The following UBE2H variants were observed in gnomAD, a reference collection of about 807,000 sequenced individuals.
UBE2H encodes ubiquitin conjugating enzyme E2 H.
A neutral mutation model predicts 29.0 loss-of-function variants in UBE2H; 3 were observed. The ratio of observed to expected loss-of-function variants is 0.10; its 90% CI spans 0.05 to 0.27. The LOEUF is 0.27. Ranked by LOEUF, UBE2H falls within the 10% of genes least tolerant of loss-of-function variation. The pLI is 1.00. For synonymous variants in UBE2H, 69 were observed against 82.9 expected (o/e 0.83, Z 0.91); for missense variants, 68 against 228.2 (o/e 0.30, Z 4.52).
chr7:129,875,088 G>C (rs1181835379), intron 3 of UBE2H, among the ~76,000 whole-genome samples: 3 of 152,184 alleles, frequency 2.0e-5, no homozygotes, highest in South Asian at 2.1e-4. Context: ...CAATGATACA[G>C]ACAGGACAGT....
At chr7:129,836,621 T>G (rs1047289060) in intron 6 of UBE2H, among the ~76,000 whole-genome samples, 7 of 152,150 alleles carry the variant, frequency 4.6e-5, no homozygotes, top group Non-Finnish European at 1.0e-4. Context: ...GGCTCATGCC[T>G]GTAAACCCAG....
intron 6 of UBE2H, among the ~76,000 whole-genome samples, chr7:129,836,943 G>C (rs1458001139): frequency 7.0e-6 from 1 of 143,100 alleles, no homozygotes; most frequent in Non-Finnish European, 1.5e-5. Context: ...ATTCCACTCA[G>C]TATCAGAGAG....
At chr7:129,871,311 A>G (rs904311694) in intron 3 of UBE2H, among the ~76,000 whole-genome samples, 1 of 152,246 alleles carries the variant, frequency 6.6e-6, no homozygotes, top group Non-Finnish European at 1.5e-5. Flanking sequence ...AACACCAGTA[A>G]AAGAGCTTTT....
chr7:129,951,585 G>A (rs1171593755), intron 1 of UBE2H, among the ~76,000 whole-genome samples: 1 of 152,190 alleles, frequency 6.6e-6, no homozygotes, highest in Non-Finnish European at 1.5e-5. Context: ...ACCACTGCCT[G>A]AAGGGCTCTT....
chr7:129,948,079 C>T (rs981559935), intron 1 of UBE2H, among the ~76,000 whole-genome samples: 3 of 152,126 alleles, frequency 2.0e-5, no homozygotes, highest in African/African-American at 4.8e-5. Context: ...AGGCTTGTCC[C>T]GAACTCCTGA....
At chr7:129,940,762 C>G (rs1188971116) in intron 1 of UBE2H, among the ~76,000 whole-genome samples, 1 of 152,156 alleles carries the variant, frequency 6.6e-6, no homozygotes, top group Non-Finnish European at 1.5e-5. Context: ...AGACACCTTC[C>G]CCAAGCATCT....
intron 3 of UBE2H, among the ~76,000 whole-genome samples, chr7:129,863,476 C>T (rs1805838929): frequency 6.6e-6 from 1 of 152,170 alleles, no homozygotes; most frequent in Admixed American, 6.5e-5. Context: ...TACTCTATTT[C>T]TGAAGGCCCT....
chr7:129,944,746 A>ACG (rs1554441967), intron 1 of UBE2H, among the ~76,000 whole-genome samples: 392 of 133,350 alleles, frequency 2.9e-3, no homozygotes, highest in Admixed American at 5.9e-3. Flanking sequence ...ACACACACAC[A>ACG]CACACGCACG....
Position 129,834,656 on chromosome 7 carries a change from A to C in UBE2H, c.*281T>G. On this transcript the variant is annotated 3_prime_UTR_variant, in exon 7 of 7. Coordinates refer to ENST00000355621, the MANE Select transcript of UBE2H (RefSeq NM_003344.4). ...CGGCTATTTCCTTCGACAGTTCAGT[A>C]GCACACAGGCTGACTTGGCCACATG... The C allele has an allele frequency of 3.6e-6, 1 of 276,174 alleles. No homozygotes were observed. The highest frequency in any genetic ancestry group is 7.4e-5 in the East Asian group (1 of 13,458). 17.1% of individuals were successfully genotyped at this position (276,174 alleles called of 1,614,324 possible). A position where few individuals can be genotyped will look rare whatever the true frequency, so the allele number is the denominator to read the frequency against.
intron 6 of UBE2H, among the ~76,000 whole-genome samples, chr7:129,835,577 A>G (rs778555027): frequency 2.0e-4 from 30 of 152,134 alleles, no homozygotes; most frequent in Non-Finnish European, 3.2e-4. Context: ...CCATCGCTCA[A>G]TCTGCTCAGG....
intron 2 of UBE2H, among the ~76,000 whole-genome samples, chr7:129,880,393 C>G (rs1025582847): frequency 1.3e-5 from 2 of 152,136 alleles, no homozygotes; most frequent in African/African-American, 4.8e-5. Context: ...ATAGTCCCAG[C>G]TACTTCGAAG....
At chr7:129,880,869 G>A (rs368436071) in intron 2 of UBE2H, 26 bp downstream of exon 2, 105 of 1,582,968 alleles carry the variant, frequency 6.6e-5, no homozygotes, top group Middle Eastern at 3.3e-4. Context: ...TGTAATAGAA[G>A]AACACATACC....
rs1427362907 is a variant in UBE2H at position 129,833,867 on chromosome 7, G to A, written c.*1070C>T. ...AAAAGGGAAAACCAAACCAGAACAT[G>A]AAGGCAAGTACCCAGGGCTTTGCAG... On this transcript the variant is annotated 3_prime_UTR_variant, in exon 7 of 7. Coordinates refer to ENST00000355621, the MANE Select transcript of UBE2H (RefSeq NM_003344.4). 1.3e-5 allele frequency: 2 copies of A among 152,146 alleles called. No individual in the cohort carries two copies. The highest frequency in any genetic ancestry group is 6.5e-5 in the Admixed American group (1 of 15,278). The allele number at this position is 152,146 out of a possible 1,614,324, so 9.4% of individuals were successfully genotyped here. A position where few individuals can be genotyped will look rare whatever the true frequency, so the allele number is the denominator to read the frequency against.
chr7:129,851,814 C>T (rs1805615082), intron 5 of UBE2H, among the ~76,000 whole-genome samples: 1 of 152,196 alleles, frequency 6.6e-6, no homozygotes, highest in Non-Finnish European at 1.5e-5. Context: ...ATGTATATAA[C>T]TAGTTAGACT....
At chr7:129,839,104 GA>G in intron 6 of UBE2H, 102 bp downstream of exon 6, 1 of 1,505,330 alleles carries the variant, frequency 6.6e-7, no homozygotes, top group South Asian at 1.3e-5. Context: ...TTAGGCCTAA[GA>G]AAAAGTATTA....
rs567643633 is a variant in UBE2H at position 129,906,307 on chromosome 7, C to T, written c.54-25336G>A. Among the ~76,000 whole-genome samples the T allele has an allele frequency of 6.5e-4, 99 of 151,706 alleles. 1 individual carries two copies. The highest frequency in any genetic ancestry group is 2.2e-3 in the African/African-American group (90 of 41,344). On this transcript the variant is annotated intron_variant, in intron 1 of 6. Transcript: ENST00000355621. ...TGCAACCTCCACCTCCCGGTTCAAG[C>T]GATTCTTGTGCCTCAGCCTCCTGAG...
chr7:129,923,527 C>T (rs891922107), intron 1 of UBE2H, among the ~76,000 whole-genome samples: 1 of 152,118 alleles, frequency 6.6e-6, no homozygotes, highest in African/African-American at 2.4e-5. Context: ...AAACTGATAA[C>T]CAATTTCCTC....
At chr7:129,853,713 G>C (rs1482444086) in intron 5 of UBE2H, among the ~76,000 whole-genome samples, 1 of 152,192 alleles carries the variant, frequency 6.6e-6, no homozygotes, top group African/African-American at 2.4e-5. Flanking sequence ...GAAGCAATGA[G>C]TCAACTGGCT....
chr7:129,840,591 A>G (rs972618966), intron 5 of UBE2H, among the ~76,000 whole-genome samples: 3 of 151,374 alleles, frequency 2.0e-5, no homozygotes, highest in Non-Finnish European at 4.4e-5. Flanking sequence ...ACCTGGGTAT[A>G]ACACAACCCA....
Sources: allele counts gnomAD v4.1 joint callset (sites outside exome capture counted in the v4.1 genomes callset), GRCh38; gene constraint gnomAD v4.1.1; transcripts MANE v1.5; gene names NCBI Gene and HGNC (gene_info 2026-07-23, HGNC 2026-07-21).